UPF1: variants seen among roughly 807,000 people sequenced by gnomAD.
UPF1 encodes the protein regulator of nonsense transcripts 1.
Under a neutral mutation model 129.2 loss-of-function variants are expected in UPF1, and 9 were observed. The observed-to-expected ratio is 0.07, with a 90% CI of 0.04 to 0.12. UPF1 has a LOEUF of 0.12. Ranked by LOEUF, UPF1 falls within the 10% of genes least tolerant of loss-of-function variation. The pLI is 1.00. For synonymous variants in UPF1, 649 were observed against 644.9 expected (o/e 1.01, Z -0.10); for missense variants, 788 against 1,525.3 (o/e 0.52, Z 8.05).
Position 18,852,161 on chromosome 19 carries a change from C to T in UPF1, c.837C>T (p.Asp279=), listed in dbSNP as rs762878929. 4.3e-6 allele frequency: 7 copies of T among 1,611,352 alleles called. No homozygotes were observed. The Admixed American group carries it at 1.2e-4, about 27-fold the overall frequency. Residue 279 remains aspartate, a synonymous_variant, in exon 6 of 24, where the codon GAC becomes GAT. Transcript: ENST00000262803. ...WKENPSATLE[D]LEKPGVDEEP... is the part of the protein sequence containing the mutation. ...AAAACCCTTCTGCCACGCTGGAGGA[C>T]CTGGAGAAGCCGGGGGTGGACGAGG...
intron 1 of UPF1, among the ~76,000 whole-genome samples, chr19:18,837,648 T>G (rs1190125461): frequency 6.6e-6 from 1 of 152,208 alleles, no homozygotes; most frequent in Non-Finnish European, 1.5e-5. Context: ...GGTACAGACC[T>G]TTTAGGCAGC....
intron 18 of UPF1, 65 bp downstream of exon 18, chr19:18,862,217 G>A: frequency 6.3e-7 from 1 of 1,587,766 alleles, no homozygotes; most frequent in Non-Finnish European, 8.6e-7. Context: ...AGGGAATTTG[G>A]GGCTAGGGTT....
chr19:18,868,213 TAA>T lies in UPF1; in HGVS notation c.*1698_*1699del. On this transcript the variant is annotated 3_prime_UTR_variant, in exon 24 of 24. Transcript: ENST00000262803. ...AAGTTCTTTTGTCACCAAATATTAA[TAA>T]ACAGTTTTGACTTCACACCAAGGTT... The T allele has an allele frequency of 3.8e-6, 1 of 263,868 alleles. No individual in the cohort carries two copies. Among genetic ancestry groups the T allele is most frequent in the South Asian group, 4.8e-5 (1 of 20,980 alleles). 16.3% of individuals were successfully genotyped at this position (263,868 alleles called of 1,614,324 possible).
At chr19:18,858,456 C>T (rs1166044961) in intron 15 of UPF1, among the ~76,000 whole-genome samples, 1 of 151,972 alleles carries the variant, frequency 6.6e-6, no homozygotes. Flanking sequence ...GTGGGAGATC[C>T]TTCCTGAATG....
At chr19:18,836,135 A>C (rs569698376) in intron 1 of UPF1, among the ~76,000 whole-genome samples, 23 of 152,202 alleles carry the variant, frequency 1.5e-4, no homozygotes, top group Middle Eastern at 3.2e-3. Flanking sequence ...TGTCCTTAAG[A>C]TACAGGGACA....
At chr19:18,857,059 G>A in intron 14 of UPF1, 39 bp downstream of exon 14, 1 of 1,591,148 alleles carries the variant, frequency 6.3e-7, no homozygotes, top group Non-Finnish European at 8.6e-7. Flanking sequence ...GAAAACTCGT[G>A]TGTGTGATTC....
rs143368503 is a variant in UPF1, at chr19:18,854,993, C to G, written c.1380C>G (p.Pro460=). ...VEDVIIKCQL[P]KRFTAQGLPD... is the part of the protein sequence containing the mutation. ...ACGTAATCATCAAGTGCCAGCTGCC[C>G]AAGCGCTTCACGGCGCAGGGCCTCC... Residue 460 remains proline, a synonymous_variant, in exon 10 of 24, where the codon CCC becomes CCG. Transcript: ENST00000262803. 53 of 1,614,036 alleles carry G rather than the reference C, an allele frequency of 3.3e-5. No individual in the cohort carries two copies. Among genetic ancestry groups the G allele is most frequent in the Non-Finnish European group, 4.0e-5 (47 of 1,180,054 alleles).
Position 18,865,926 on chromosome 19 carries a change from C to T in UPF1, c.3238-118C>T, listed in dbSNP as rs528430715. ...CTGGGCTGGGGTCATCAGAGTGGGT[C>T]TCCTGGGTCTTAGTTTGGGGACGGG... is the stretch of plus-strand genomic sequence containing the variant. On this transcript the variant is annotated intron_variant, in intron 22 of 23. Coordinates refer to ENST00000262803, the MANE Select transcript of UPF1 (RefSeq NM_002911.4). This position sits in a 1 kb window ranked among gnomAD's most constrained non-coding sequence, Gnocchi z 6.1. The T allele has an allele frequency of 7.4e-5, 117 of 1,584,506 alleles. No homozygotes were observed. The East Asian group carries it at 2.1e-3, about 29-fold the overall frequency.
At position 18,832,665 on chromosome 19, in the gene UPF1, C is replaced by T. The variant is rs2055441035; in HGVS notation, c.231+225C>T. On this transcript the variant is annotated intron_variant, in intron 1 of 23. Transcript: ENST00000262803. The surrounding 1 kb of genome is among the most constrained non-coding windows in gnomAD (Gnocchi z 5.6). Reference sequence around the variant, plus strand: ...CTGATCTGCCCCGGGTCCCCCGCTCCGGCCGCGACCTGGCTGAGTTCCTTC... The same window carrying T: ...CTGATCTGCCCCGGGTCCCCCGCTCTGGCCGCGACCTGGCTGAGTTCCTTC... Among the ~76,000 whole-genome samples the T allele has an allele frequency of 6.6e-6, 1 of 152,228 alleles. No individual in the cohort carries two copies. Among genetic ancestry groups the T allele is most frequent in the African/African-American group, 2.4e-5 (1 of 41,470 alleles).
chr19:18,850,283 C>T lies in UPF1; in HGVS notation c.629+41C>T, dbSNP rs2055643891. The T allele has an allele frequency of 3.9e-6, 6 of 1,529,324 alleles. No homozygotes were observed. The Admixed American group carries it at 6.4e-5, about 16-fold the overall frequency. The allele number at this position is 1,529,324 out of a possible 1,614,324, so 94.7% of individuals were successfully genotyped here. The stretch of plus-strand genomic sequence containing the variant: ...ATGTCTCCTGGGGGTGACCTTTAAG[C>T]TCCAGCCGTCTCCTCACAAGCCTTG... On this transcript the variant is annotated intron_variant, in intron 4 of 23. Transcript: ENST00000262803. The surrounding 1 kb of genome is among the most constrained non-coding windows in gnomAD (Gnocchi z 7.1).
Position 18,866,903 on chromosome 19 carries a change from T to C in UPF1, c.*386T>C, listed in dbSNP as rs979043802. 4 of 152,614 alleles carry C rather than the reference T, an allele frequency of 2.6e-5. No individual in the cohort carries two copies. Among genetic ancestry groups the C allele is most frequent in the Non-Finnish European group, 5.9e-5 (4 of 68,054 alleles). 9.5% of individuals were successfully genotyped at this position (152,614 alleles called of 1,614,324 possible). A position where few individuals can be genotyped will look rare whatever the true frequency, so the allele number is the denominator to read the frequency against. On this transcript the variant is annotated 3_prime_UTR_variant, in exon 24 of 24. Coordinates refer to ENST00000262803, the MANE Select transcript of UPF1 (RefSeq NM_002911.4). ...ACTACGTCTTAGCAGGAAAAAAAAC[T>C]TCGCATTTCTGTGCCCGAGCAGGCT... is the stretch of plus-strand genomic sequence containing the variant.
chr19:18,834,868 A>G (rs2055467249), intron 1 of UPF1, among the ~76,000 whole-genome samples: 1 of 152,020 alleles, frequency 6.6e-6, no homozygotes, highest in Non-Finnish European at 1.5e-5. Flanking sequence ...CTGCTTTTTT[A>G]ATTTTTATTT....
rs1297381379 is a variant in UPF1, at chr19:18,832,164, T to G, written c.-46T>G. ...CCTAGGCCTCAGCGCGGCGGCGGGC[T>G]CGAGTGCAGCGCGGAACCGGCCCGA... On this transcript the variant is annotated 5_prime_UTR_variant, in exon 1 of 24. Coordinates refer to ENST00000262803, the MANE Select transcript of UPF1 (RefSeq NM_002911.4). The surrounding 1 kb of genome is among the most constrained non-coding windows in gnomAD (Gnocchi z 5.6). The G allele has an allele frequency of 1.3e-6, 2 of 1,482,016 alleles. No homozygotes were observed. Among genetic ancestry groups the G allele is most frequent in the Admixed American group, 2.2e-5 (1 of 46,498 alleles). 91.8% of individuals were successfully genotyped at this position (1,482,016 alleles called of 1,614,324 possible).
At chr19:18,840,038 G>A (rs2055525259) in intron 1 of UPF1, among the ~76,000 whole-genome samples, 1 of 152,200 alleles carries the variant, frequency 6.6e-6, no homozygotes, top group African/African-American at 2.4e-5. Context: ...GCTGTGTCCT[G>A]GAGCCTTTAG....
At position 18,865,806 on chromosome 19, in the gene UPF1, C is replaced by G. The variant is rs2055837307; in HGVS notation, c.3237+28C>G. 1.2e-6 allele frequency: 2 copies of G among 1,610,986 alleles called. No homozygotes were observed. The highest frequency in any genetic ancestry group is 3.3e-5 in the Admixed American group (2 of 60,018). ...GAGCCCGCCCCTGGGACGGGACTTA[C>G]CTGAGTGAGGGTGGGGCTATGCACC... On this transcript the variant is annotated intron_variant, in intron 22 of 23. Transcript: ENST00000262803. This position sits in a 1 kb window ranked among gnomAD's most constrained non-coding sequence, Gnocchi z 6.1.
At chr19:18,852,016 A>AC (rs2145952830) in intron 5 of UPF1, 119 bp from the exon 6 acceptor site, 3 of 1,382,774 alleles carry the variant, frequency 2.2e-6, no homozygotes, top group East Asian at 5.5e-5. Flanking sequence ...CATGCCACCC[A>AC]CCGTGGCCCA....
chr19:18,864,029 C>T (rs2055811324), intron 19 of UPF1, 141 bp from the exon 20 acceptor site: 6 of 751,246 alleles, frequency 8.0e-6, no homozygotes, highest in Non-Finnish European at 1.4e-5. Flanking sequence ...ACAGCAGCTC[C>T]CTCCTGTCTC....
At chr19:18,856,819 C>G (rs2055723400) in intron 13 of UPF1, 58 bp from the exon 14 acceptor site, 1 of 1,552,000 alleles carries the variant, frequency 6.4e-7, no homozygotes, top group Non-Finnish European at 8.7e-7. Flanking sequence ...CACCTGCCCT[C>G]CGGGGTCTGG....
chr19:18,862,656 A>G (rs2055793266), intron 18 of UPF1, among the ~76,000 whole-genome samples: 1 of 151,902 alleles, frequency 6.6e-6, no homozygotes, highest in Non-Finnish European at 1.5e-5. Flanking sequence ...ACATGGTGAA[A>G]CCTCCTCTCT....
Sources: gnomAD v4.1 joint callset for allele counts (sites outside exome capture counted in the v4.1 genomes callset) on GRCh38, gnomAD v4.1.1 for gene constraint, Gnocchi (gnomAD v3.1) non-coding constraint, MANE v1.5 for transcripts, NCBI Gene and HGNC (gene_info 2026-07-23, HGNC 2026-07-21) for gene names.